MTM1: variants seen among roughly 807,000 people sequenced by gnomAD.
MTM1 encodes myotubularin 1.
In MTM1, 9 loss-of-function variants were observed where a neutral mutation model predicts 52.1. The observed-to-expected ratio is 0.17, with a 90% confidence interval of 0.10 to 0.30. The LOEUF (loss-of-function observed/expected upper bound fraction) is 0.30, where lower values mean the gene tolerates loss of function less well. Among genes scored for constraint, MTM1 ranks in the 10% least tolerant of loss-of-function variants. The pLI, the probability that MTM1 is intolerant of heterozygous loss-of-function variation, is 1.00. For synonymous variants in MTM1, 136 were observed against 163.8 expected (o/e 0.83, Z 1.29); for missense variants, 277 against 470.7 (o/e 0.59, Z 3.81).
intron 4 of MTM1, among the ~76,000 whole-genome samples, chrX:150,612,846 T>C (rs967994946): frequency 3.6e-5 from 4 of 111,075 alleles, no homozygotes; most frequent in African/African-American, 9.8e-5. Flanking sequence ...TAGCCAGGCA[T>C]GGTGGCACAT....
intron 7 of MTM1, among the ~76,000 whole-genome samples, chrX:150,640,639 TGCTTAA>T (rs782481019): frequency 5.3e-4 from 59 of 111,962 alleles, no homozygotes; most frequent in African/African-American, 1.3e-3. Context: ...ATTAGCAGTC[TGCTTAA>T]AATGCAAATG....
intron 4 of MTM1, among the ~76,000 whole-genome samples, chrX:150,610,707 G>A (rs2039260622): frequency 9.0e-6 from 1 of 111,492 alleles, no homozygotes; most frequent in Non-Finnish European, 1.9e-5. Flanking sequence ...GGGTGCCTTT[G>A]GTCAGAAGCT....
chrX:150,644,734 C>T (rs984811668), intron 8 of MTM1, among the ~76,000 whole-genome samples: 15 of 111,182 alleles, frequency 1.3e-4, no homozygotes, highest in Non-Finnish European at 1.7e-4. Context: ...CATTCTTCTT[C>T]AGGCCACCGA....
intron 8 of MTM1, among the ~76,000 whole-genome samples, chrX:150,645,435 A>G (rs1214545074): frequency 8.9e-6 from 1 of 112,544 alleles, no homozygotes; most frequent in Non-Finnish European, 1.9e-5. Context: ...TTAGGTAAGC[A>G]ATTAATTTAT....
rs370006710 is a variant in MTM1, at chrX:150,596,602, C to T, written c.136+32C>T. The T allele has an allele frequency of 6.1e-6, 7 of 1,146,719 alleles. No individual in the cohort carries two copies. The African/African-American group carries it at 1.1e-4, about 18-fold the overall frequency. 94.5% of individuals were successfully genotyped at this position (1,146,719 alleles called of 1,213,427 possible). ...ACCTGCTGACATAAGATTTGCATAA[C>T]TTGAGGAGAAGTCTGGCAGGATCAG... On this transcript the variant is annotated intron_variant, in intron 3 of 14. Transcript: ENST00000370396.
chrX:150,634,495 G>C (rs1263011475), intron 6 of MTM1, among the ~76,000 whole-genome samples: 1 of 111,966 alleles, frequency 8.9e-6, no homozygotes, highest in Admixed American at 9.5e-5. Flanking sequence ...TGTCAGAGCT[G>C]TTTTTATCCC....
chrX:150,643,370 C>T (rs1368035392), intron 8 of MTM1, among the ~76,000 whole-genome samples: 1 of 111,788 alleles, frequency 8.9e-6, no homozygotes, highest in South Asian at 3.7e-4. Context: ...ACAGATTTCT[C>T]TTAATTTTAT....
intron 1 of MTM1, among the ~76,000 whole-genome samples, chrX:150,589,966 T>C (rs1323030049): frequency 1.8e-5 from 2 of 111,429 alleles, no homozygotes; most frequent in African/African-American, 6.5e-5. Flanking sequence ...ATACACTGTG[T>C]GGTTCCAAGC....
intron 1 of MTM1, among the ~76,000 whole-genome samples, chrX:150,587,757 G>A (rs1033568964): frequency 9.0e-6 from 1 of 111,656 alleles, no homozygotes; most frequent in South Asian, 3.7e-4. Flanking sequence ...GGCACTCCAG[G>A]TACAGAACTC....
At chrX:150,569,955 G>A (rs2038338066) in intron 1 of MTM1, among the ~76,000 whole-genome samples, 1 of 111,930 alleles carries the variant, frequency 8.9e-6, no homozygotes. Flanking sequence ...ACACCATGGG[G>A]GAGATTTGAA....
At chrX:150,652,654 T>TAC (rs1362808073) in intron 10 of MTM1, among the ~76,000 whole-genome samples, 17 of 44,677 alleles carry the variant, frequency 3.8e-4, no homozygotes, top group Admixed American at 9.5e-4. Context: ...TGTGTATATA[T>TAC]ATATACACAC....
chrX:150,665,145 T>C (rs1028364388), intron 14 of MTM1, among the ~76,000 whole-genome samples: 9 of 112,282 alleles, frequency 8.0e-5, no homozygotes, highest in Admixed American at 9.5e-5. Flanking sequence ...TATTATGATC[T>C]ATTGGCATGA....
chrX:150,663,571 A>T lies in MTM1; in HGVS notation c.1606A>T (p.Asn536Tyr). 1 of 1,211,807 alleles carries T rather than the reference A, an allele frequency of 8.3e-7. No homozygotes were observed. The highest frequency in any genetic ancestry group is 1.1e-6 in the Non-Finnish European group (1 of 895,386). Reference sequence around the variant, plus strand: ...TATGCGTCACTTGGAACTCTGGGTGAATTACTACATTAGATGGAACCCCAG... The same window carrying T: ...TATGCGTCACTTGGAACTCTGGGTGTATTACTACATTAGATGGAACCCCAG... ...ASMRHLELWVNYYIRWNPRIK... is the reference protein window; with the variant it reads ...ASMRHLELWVYYYIRWNPRIK... Residue 536 changes from asparagine to tyrosine, a missense_variant, in exon 14 of 15, where the codon AAT (asparagine) becomes TAT (tyrosine). Coordinates refer to ENST00000370396, the MANE Select transcript of MTM1 (RefSeq NM_000252.3).
chrX:150,600,301 A>C (rs1557412716), intron 4 of MTM1, among the ~76,000 whole-genome samples: 1 of 112,069 alleles, frequency 8.9e-6, no homozygotes, highest in East Asian at 2.8e-4. Flanking sequence ...AGCAAAACTA[A>C]TAATATAAAA....
chrX:150,584,761 C>G (rs1013219273), intron 1 of MTM1, among the ~76,000 whole-genome samples: 1 of 111,628 alleles, frequency 9.0e-6, no homozygotes, highest in African/African-American at 3.3e-5. Flanking sequence ...GGCCCAAGTC[C>G]TTGATATAAA....
intron 6 of MTM1, among the ~76,000 whole-genome samples, chrX:150,636,716 C>T (rs189563963): frequency 1.3e-4 from 15 of 112,186 alleles, no homozygotes; most frequent in African/African-American, 4.5e-4. Context: ...AGGCCTCAAA[C>T]CATCTACAAC....
intron 4 of MTM1, among the ~76,000 whole-genome samples, chrX:150,610,427 A>G (rs1395580198): frequency 1.8e-5 from 2 of 111,510 alleles, no homozygotes; most frequent in Non-Finnish European, 3.8e-5. Context: ...GAGAGAGAGA[A>G]AGAAAGAATG....
At chrX:150,564,121 A>G (rs782310941), upstream of MTM1, among the ~76,000 whole-genome samples, 1 of 111,675 alleles carries the variant, frequency 9.0e-6, no homozygotes, top group East Asian at 2.8e-4. Context: ...GCCCCAGTCA[A>G]CCATAAATCT....
At chrX:150,659,901 C>G (rs377076881) in intron 12 of MTM1, 145 bp downstream of exon 12, 5 of 504,156 alleles carry the variant, frequency 9.9e-6, no homozygotes, top group African/African-American at 9.4e-5. Context: ...CTTGCAGAAG[C>G]CAGGTACATG....
Sources: gnomAD v4.1 joint callset for allele counts (sites outside exome capture counted in the v4.1 genomes callset) on GRCh38, gnomAD v4.1.1 for gene constraint, MANE v1.5 for transcripts, NCBI Gene and HGNC (gene_info 2026-07-23, HGNC 2026-07-21) for gene names.